Variants in COL23A1 observed in about 807,000 individuals in gnomAD.
The protein encoded by COL23A1 is collagen type XXIII alpha 1 chain.
In COL23A1, 97 loss-of-function variants were observed where a neutral mutation model predicts 99.3. The ratio of observed to expected loss-of-function variants is 0.98; its 90% CI spans 0.83 to 1.16. The LOEUF is 1.16. Among genes scored for constraint, COL23A1 ranks in the 50% most tolerant of loss-of-function variants. COL23A1 has a pLI of 0.00. For synonymous variants in COL23A1, 320 were observed against 308.2 expected, an observed-to-expected ratio of 1.04 and a Z score of -0.40; for missense variants, 762 against 757.4, an observed-to-expected ratio of 1.01 and a Z score of -0.07.
chr5:178,318,215 G>A (rs558411834), intron 2 of COL23A1, among the ~76,000 whole-genome samples: 1 of 152,354 alleles, frequency 6.6e-6, no homozygotes, highest in East Asian at 1.9e-4. Context: ...AGGCACCTGT[G>A]CTGGGTTTTC....
intron 27 of COL23A1, 44 bp downstream of exon 27, chr5:178,241,998 G>A: frequency 1.4e-6 from 2 of 1,468,992 alleles, no homozygotes; most frequent in Non-Finnish European, 1.9e-6. Flanking sequence ...GACCCTGGCT[G>A]GAGGCCAAAA....
At chr5:178,482,550 A>G (rs1757397527) in intron 2 of COL23A1, among the ~76,000 whole-genome samples, 1 of 152,206 alleles carries the variant, frequency 6.6e-6, no homozygotes, top group African/African-American at 2.4e-5. Flanking sequence ...CTGAACAACA[A>G]TGTGAATGCA....
intron 3 of COL23A1, among the ~76,000 whole-genome samples, chr5:178,301,080 C>G (rs1212310140): frequency 6.6e-6 from 1 of 152,060 alleles, no homozygotes; most frequent in African/African-American, 2.4e-5. Flanking sequence ...TTGGGACACT[C>G]GATAGTGTCT....
At chr5:178,259,941 C>T (rs1310678945) in intron 11 of COL23A1, among the ~76,000 whole-genome samples, 194 bp from the exon 12 acceptor site, 1 of 152,216 alleles carries the variant, frequency 6.6e-6, no homozygotes, top group Non-Finnish European at 1.5e-5. Flanking sequence ...CACTCCCAAG[C>T]TCAATGACCC....
chr5:178,254,750 C>T (rs1300749834), intron 16 of COL23A1, among the ~76,000 whole-genome samples, 199 bp downstream of exon 16: 1 of 152,192 alleles, frequency 6.6e-6, no homozygotes, highest in Non-Finnish European at 1.5e-5. Flanking sequence ...ACGTGGGCCA[C>T]ATTCACAGGG....
chr5:178,268,892 T>G, intron 6 of COL23A1, 136 bp from the exon 7 acceptor site: 5 of 792,574 alleles, frequency 6.3e-6, no homozygotes, highest in Non-Finnish European at 9.6e-6. Context: ...ACATGAGCTC[T>G]CAGCCCTCAA....
chr5:178,306,529 G>C lies in COL23A1; in HGVS notation c.406+346C>G, dbSNP rs978260779. On this transcript the variant is annotated intron_variant, in intron 3 of 28. Transcript: ENST00000390654. The surrounding 1 kb of genome is among the most constrained non-coding windows in gnomAD (Gnocchi z 4.1). ...ACCCACAGGAGAACCCGGTTGTGCT[G>C]AAGGACCCATGGGGGAGGGTGTGGC... Among the ~76,000 whole-genome samples, 20 of 151,704 alleles carry C rather than the reference G, an allele frequency of 1.3e-4. No individual in the cohort carries two copies. Among genetic ancestry groups the C allele is most frequent in the Non-Finnish European group, 2.5e-4 (17 of 67,894 alleles).
chr5:178,374,680 C>T (rs1027829285), intron 2 of COL23A1, among the ~76,000 whole-genome samples: 2 of 152,202 alleles, frequency 1.3e-5, no homozygotes, highest in Non-Finnish European at 2.9e-5. Flanking sequence ...AAAACCACTT[C>T]CCACCTGCTA....
chr5:178,404,205 T>C (rs1329614267), intron 2 of COL23A1, among the ~76,000 whole-genome samples: 1 of 152,218 alleles, frequency 6.6e-6, no homozygotes, highest in Admixed American at 6.5e-5. Context: ...TCAGATCCCC[T>C]TGTGGGGTAC....
At chr5:178,390,024 T>C (rs1267703522) in intron 2 of COL23A1, among the ~76,000 whole-genome samples, 1 of 152,142 alleles carries the variant, frequency 6.6e-6, no homozygotes, top group African/African-American at 2.4e-5. Flanking sequence ...CTGCCAACAA[T>C]GTGCTCAGGA....
intron 5 of COL23A1, among the ~76,000 whole-genome samples, chr5:178,278,296 C>T (rs1014618287): frequency 1.3e-5 from 2 of 152,060 alleles, no homozygotes; most frequent in African/African-American, 4.8e-5. Flanking sequence ...TTCCCAGCCT[C>T]CCTGAGAGCT....
chr5:178,283,645 A>G (rs1757013500), intron 5 of COL23A1, among the ~76,000 whole-genome samples: 1 of 152,246 alleles, frequency 6.6e-6, no homozygotes, highest in Admixed American at 6.5e-5. Context: ...TAATGTTAAG[A>G]GTTAAGACAA....
rs1762456261 is a variant in COL23A1, at chr5:178,366,024, T to A, written c.362-59105A>T. Reference sequence around the variant, plus strand: ...CCTCACGGCCTGTGAGTTCACCTCTTCATCTGAGCTCGCTTCAGATGACGC... The same window carrying A: ...CCTCACGGCCTGTGAGTTCACCTCTACATCTGAGCTCGCTTCAGATGACGC... On this transcript the variant is annotated intron_variant, in intron 2 of 28. Transcript: ENST00000390654. This position sits in a 1 kb window ranked among gnomAD's most constrained non-coding sequence, Gnocchi z 4.4. 6.6e-6 allele frequency among the ~76,000 whole-genome samples: 1 copy of A among 152,122 alleles called. No homozygotes were observed. Among genetic ancestry groups the A allele is most frequent in the South Asian group, 2.1e-4 (1 of 4,832 alleles).
chr5:178,506,746 CAT>C (rs1335095658), intron 2 of COL23A1, among the ~76,000 whole-genome samples: 1 of 152,198 alleles, frequency 6.6e-6, no homozygotes, highest in African/African-American at 2.4e-5. Context: ...CTTATGGTCA[CAT>C]ATGTAAATTT....
At chr5:178,460,208 C>T (rs890343604) in intron 2 of COL23A1, among the ~76,000 whole-genome samples, 1 of 152,114 alleles carries the variant, frequency 6.6e-6, no homozygotes, top group African/African-American at 2.4e-5. Context: ...TGCAGAACCC[C>T]CAGATTTTAT....
chr5:178,586,147 C>T (rs889428924), intron 1 of COL23A1, among the ~76,000 whole-genome samples: 2 of 152,212 alleles, frequency 1.3e-5, no homozygotes, highest in Non-Finnish European at 2.9e-5. Context: ...GGCCAAGTCG[C>T]TGACAGACCC....
At chr5:178,400,095 T>A (rs2910129) in intron 2 of COL23A1, among the ~76,000 whole-genome samples, 3 of 151,954 alleles carry the variant, frequency 2.0e-5, no homozygotes, top group African/African-American at 7.2e-5. Flanking sequence ...GGCTGGGCGC[T>A]GTGGCTCACA....
chr5:178,316,943 A>C (rs1025371619), intron 2 of COL23A1, among the ~76,000 whole-genome samples: 1 of 151,862 alleles, frequency 6.6e-6, no homozygotes, highest in Non-Finnish European at 1.5e-5. Flanking sequence ...CGAGTCTTCC[A>C]CTCTGGTCGG....
At chr5:178,318,512 C>A (rs2127622157) in intron 2 of COL23A1, among the ~76,000 whole-genome samples, 1 of 152,332 alleles carries the variant, frequency 6.6e-6, no homozygotes, top group Middle Eastern at 3.4e-3. Flanking sequence ...TTCCTGCCCA[C>A]AGGGGCTCAG....
Sources: gnomAD v4.1 joint callset for allele counts (sites outside exome capture counted in the v4.1 genomes callset) on GRCh38, gnomAD v4.1.1 for gene constraint, Gnocchi (gnomAD v3.1) non-coding constraint, MANE v1.5 for transcripts, NCBI Gene and HGNC (gene_info 2026-07-23, HGNC 2026-07-21) for gene names.